The following IL19 variants were observed in gnomAD, a reference collection of about 807,000 sequenced individuals.
IL19 encodes interleukin 19.
In IL19, 15 loss-of-function variants were observed where a neutral mutation model predicts 19.5. The observed-to-expected ratio is 0.77, with a 90% CI of 0.52 to 1.19. IL19 has a LOEUF of 1.19. Among genes scored for constraint, IL19 ranks in the 50% most tolerant of loss-of-function variants. IL19 has a pLI of 0.00. For synonymous variants in IL19, 78 were observed against 78.3 expected (o/e 1.00, Z 0.02); for missense variants, 199 against 213.1 (o/e 0.93, Z 0.41).
intron 1 of IL19, among the ~76,000 whole-genome samples, chr1:206,785,448 C>T (rs181055381): frequency 5.8e-4 from 88 of 152,292 alleles, no homozygotes; most frequent in Middle Eastern, 3.4e-3. Context: ...GAAAATAACA[C>T]TGAAATCCCT....
At chr1:206,818,793 T>G (rs962790657) in intron 2 of IL19, among the ~76,000 whole-genome samples, 1 of 149,554 alleles carries the variant, frequency 6.7e-6, no homozygotes, top group African/African-American at 2.5e-5. Context: ...TCTTTCTTTC[T>G]TTCTTTCTTT....
At chr1:206,835,744 G>T (rs904526293) in intron 2 of IL19, among the ~76,000 whole-genome samples, 1 of 152,238 alleles carries the variant, frequency 6.6e-6, no homozygotes, top group Non-Finnish European at 1.5e-5. Flanking sequence ...CATAAGACAT[G>T]CGTTAAGGCT....
chr1:206,808,684 T>G (rs1487448300), intron 2 of IL19, among the ~76,000 whole-genome samples: 1 of 152,136 alleles, frequency 6.6e-6, no homozygotes, highest in African/African-American at 2.4e-5. Context: ...GAGGGTAGTG[T>G]AGAAAGTGTT....
chr1:206,836,119 C>T (rs1319654274), intron 2 of IL19, among the ~76,000 whole-genome samples: 1 of 152,172 alleles, frequency 6.6e-6, no homozygotes, highest in Non-Finnish European at 1.5e-5. Flanking sequence ...TCCCATCTCT[C>T]CAGAAGGTGA....
chr1:206,823,613 A>G (rs1676352018), intron 2 of IL19, among the ~76,000 whole-genome samples: 1 of 151,140 alleles, frequency 6.6e-6, no homozygotes, highest in Admixed American at 6.6e-5. Context: ...GTGGATGACC[A>G]TTTTTCTTTC....
chr1:206,796,932 C>T (rs1675538022), intron 1 of IL19, among the ~76,000 whole-genome samples: 1 of 152,180 alleles, frequency 6.6e-6, no homozygotes, highest in Non-Finnish European at 1.5e-5. Flanking sequence ...ACCCTTTGTC[C>T]AGCCCAGGAC....
chr1:206,840,975 T>C, intron 5 of IL19, 29 bp from the exon 6 acceptor site: 1 of 1,601,410 alleles, frequency 6.2e-7, no homozygotes, highest in Non-Finnish European at 8.6e-7. Flanking sequence ...AAATGTCCTC[T>C]GATAGGAGCT....
intron 1 of IL19, among the ~76,000 whole-genome samples, chr1:206,794,298 C>T (rs922819176): frequency 2.6e-5 from 4 of 152,180 alleles, no homozygotes; most frequent in Admixed American, 6.5e-5. Flanking sequence ...GTTCCTGGCA[C>T]GGCATACAGT....
intron 2 of IL19, among the ~76,000 whole-genome samples, chr1:206,814,690 TCACA>T (rs34474731): frequency 0.058 from 8,213 of 140,490 alleles, 285 homozygotes; most frequent in Middle Eastern, 0.14. Context: ...TGAAACTCTG[TCACA>T]CACACACACA....
rs1677067652 is a variant in IL19 at position 206,842,908 on chromosome 1, G to C, written c.*286G>C. The C allele has an allele frequency of 3.5e-6, 1 of 283,366 alleles. No homozygotes were observed. The highest frequency in any genetic ancestry group is 6.7e-6 in the Non-Finnish European group (1 of 149,902). 17.6% of individuals were successfully genotyped at this position (283,366 alleles called of 1,614,324 possible). On this transcript the variant is annotated 3_prime_UTR_variant, in exon 7 of 7. Coordinates refer to ENST00000659997, the MANE Select transcript of IL19 (RefSeq NM_153758.5). Reference sequence around the variant, plus strand: ...GTCATATAGTCCATGTCTGTGATGTGAGCCAAGTGATATCCTGTAGTACAC... The same window carrying C: ...GTCATATAGTCCATGTCTGTGATGTCAGCCAAGTGATATCCTGTAGTACAC...
intron 1 of IL19, among the ~76,000 whole-genome samples, chr1:206,772,749 T>TA (rs886256400): frequency 1.3e-5 from 2 of 152,194 alleles, no homozygotes; most frequent in Non-Finnish European, 2.9e-5. Flanking sequence ...GCTTCTCAAT[T>TA]AAAAAAAGTT....
chr1:206,811,827 T>C (rs1451315748), intron 2 of IL19, among the ~76,000 whole-genome samples: 1 of 152,156 alleles, frequency 6.6e-6, no homozygotes, highest in African/African-American at 2.4e-5. Flanking sequence ...CCTTCCATCA[T>C]GGAGGGAAGG....
At chr1:206,834,464 A>G (rs1190934372) in intron 2 of IL19, 3 of 984,220 alleles carry the variant, frequency 3.0e-6, no homozygotes, top group Non-Finnish European at 3.6e-6. Flanking sequence ...CTCCTCCTTC[A>G]CTGCCGCAGG....
chr1:206,806,351 T>C (rs1197390383), intron 2 of IL19, among the ~76,000 whole-genome samples: 1 of 152,186 alleles, frequency 6.6e-6, no homozygotes, highest in East Asian at 1.9e-4. Context: ...CATTGGCAGA[T>C]AGAAAAGAGC....
At position 206,836,656 on chromosome 1, in the gene IL19, T is replaced by C. The variant is rs2980284; in HGVS notation, c.-2-5T>C. ...TGGACAGCTGACTTCCTCTCCTTTC[T>C]GCAGGCATGAAGTTACAGTGTGTTT... On this transcript the variant is annotated splice_region_variant and splice_polypyrimidine_tract_variant and intron_variant, in intron 2 of 6. Transcript: ENST00000659997. 1.3e-6 allele frequency: 2 copies of C among 1,595,070 alleles called. No individual in the cohort carries two copies. Among genetic ancestry groups the C allele is most frequent in the African/African-American group, 2.7e-5 (2 of 73,936 alleles).
At chr1:206,806,843 G>C (rs1675859766) in intron 2 of IL19, among the ~76,000 whole-genome samples, 2 of 152,050 alleles carry the variant, frequency 1.3e-5, no homozygotes, top group African/African-American at 4.8e-5. Flanking sequence ...AAGCCATTTT[G>C]TACATGTCAT....
chr1:206,790,054 G>A (rs1471293476), intron 1 of IL19, among the ~76,000 whole-genome samples: 2 of 152,134 alleles, frequency 1.3e-5, no homozygotes, highest in Non-Finnish European at 2.9e-5. Context: ...TAGATACCCA[G>A]TAGTGGGATT....
At chr1:206,787,757 G>C (rs1675300346) in intron 1 of IL19, among the ~76,000 whole-genome samples, 1 of 152,168 alleles carries the variant, frequency 6.6e-6, no homozygotes, top group South Asian at 2.1e-4. Flanking sequence ...GCCCCTCTGT[G>C]GTCTTGTCTT....
At chr1:206,803,389 C>T (rs1169989246) in intron 2 of IL19, among the ~76,000 whole-genome samples, 6 of 152,032 alleles carry the variant, frequency 3.9e-5, no homozygotes, top group Non-Finnish European at 8.8e-5. Flanking sequence ...TCTCTGTGGA[C>T]GGAAGAAGGT....
Sources: gnomAD v4.1 joint callset for allele counts (sites outside exome capture counted in the v4.1 genomes callset) on GRCh38, gnomAD v4.1.1 for gene constraint, MANE v1.5 for transcripts, NCBI Gene and HGNC (gene_info 2026-07-23, HGNC 2026-07-21) for gene names.